Variants in GALNT14 observed in about 807,000 individuals in gnomAD.
GALNT14 encodes the protein polypeptide N-acetylgalactosaminyltransferase 14, also known as UDP-GalNAc:polypeptide N-acetylgalactosaminyltransferase 14.
Under a neutral mutation model 77.5 loss-of-function variants are expected in GALNT14, and 60 were observed. The ratio of observed to expected loss-of-function variants is 0.77; its 90% CI spans 0.63 to 0.96. The LOEUF (loss-of-function observed/expected upper bound fraction) is 0.96, where lower values mean the gene tolerates loss of function less well. Ranked by LOEUF, GALNT14 falls within the 40% of genes least tolerant of loss-of-function variation. The probability of loss-of-function intolerance (pLI) is 0.00; values close to 1 mark genes in which losing one functional copy is unlikely to be tolerated. For synonymous variants in GALNT14, 280 were observed against 281.7 expected (o/e 0.99, Z 0.06); for missense variants, 710 against 731.0 (o/e 0.97, Z 0.33).
intron 1 of GALNT14, among the ~76,000 whole-genome samples, chr2:31,031,798 C>A (rs1035607932): frequency 2.0e-5 from 3 of 152,178 alleles, no homozygotes; most frequent in Non-Finnish European, 4.4e-5. Flanking sequence ...CACATTCCAA[C>A]TTCCATGGAG....
chr2:31,075,232 G>T (rs1675687870), intron 1 of GALNT14, among the ~76,000 whole-genome samples: 1 of 152,144 alleles, frequency 6.6e-6, no homozygotes, highest in South Asian at 2.1e-4. Flanking sequence ...GTTTCCTGAG[G>T]TCCTCGCCTG....
At chr2:30,921,897 C>T (rs1665054838) in intron 13 of GALNT14, among the ~76,000 whole-genome samples, 1 of 152,194 alleles carries the variant, frequency 6.6e-6, no homozygotes, top group Admixed American at 6.5e-5. Context: ...TCCCACAATA[C>T]ACAGGGGAGC....
chr2:30,993,143 A>G (rs1472893223), intron 1 of GALNT14, 136 bp from the exon 2 acceptor site: 4 of 803,592 alleles, frequency 5.0e-6, no homozygotes, highest in Non-Finnish European at 7.9e-6. Flanking sequence ...CAGAAGCAGA[A>G]CATAAACTAA....
rs145762156 is a variant in GALNT14, at chr2:31,111,244, T to G, written c.129+26714A>C. ...GGGATCAAGGACAAAGACCCAGGGA[T>G]TCTTCATCAGCAAGCTTCAATGACA... On this transcript the variant is annotated intron_variant, in intron 1 of 14. Transcript: ENST00000349752. Among the ~76,000 whole-genome samples, 130 of 152,264 alleles carry G rather than the reference T, an allele frequency of 8.5e-4. 1 individual carries two copies. Among genetic ancestry groups the G allele is most frequent in the East Asian group, 6.8e-3 (35 of 5,176 alleles).
intron 13 of GALNT14, among the ~76,000 whole-genome samples, chr2:30,920,469 G>T (rs182167945): frequency 1.1e-3 from 168 of 152,278 alleles, no homozygotes; most frequent in African/African-American, 3.9e-3. Context: ...GTAGGAAGAG[G>T]TGATGGGGGC....
Position 30,938,384 on chromosome 2 carries a change from A to ACACACACT in GALNT14, c.931+3816_931+3817insAGTGTGTG, listed in dbSNP as rs1174119035. ...TACACACACACACACACACACACAC[A>ACACACACT]CTCTCTCTCTCTCTCTCTCTCTCTA... On this transcript the variant is annotated intron_variant, in intron 9 of 14. Transcript: ENST00000349752. 1.1e-3 allele frequency among the ~76,000 whole-genome samples: 151 copies of ACACACACT among 141,764 alleles called. 1 individual carries two copies. Among genetic ancestry groups the ACACACACT allele is most frequent in the African/African-American group, 2.3e-3 (89 of 38,262 alleles). The allele number at this position is 141,764 out of a possible 152,430, so 93.0% of individuals were successfully genotyped here. A position where few individuals can be genotyped will look rare whatever the true frequency, so the allele number is the denominator to read the frequency against.
intron 2 of GALNT14, among the ~76,000 whole-genome samples, chr2:30,971,974 C>T (rs1021250671): frequency 1.3e-5 from 2 of 152,226 alleles, no homozygotes; most frequent in Non-Finnish European, 2.9e-5. Flanking sequence ...CCAGTGCTTC[C>T]GTGGCTTGTC....
intron 1 of GALNT14, among the ~76,000 whole-genome samples, chr2:31,137,427 G>A (rs185327406): frequency 4.1e-4 from 63 of 152,310 alleles, no homozygotes; most frequent in African/African-American, 1.4e-3. Flanking sequence ...TGAGAGGGTC[G>A]GGAACAGTTA....
chr2:31,126,059 G>A (rs535018207), intron 1 of GALNT14, among the ~76,000 whole-genome samples: 3 of 152,318 alleles, frequency 2.0e-5, no homozygotes, highest in Admixed American at 2.0e-4. Flanking sequence ...TGGCAGGACA[G>A]CATTCATAAG....
chr2:31,030,395 C>T (rs576884148), intron 1 of GALNT14, among the ~76,000 whole-genome samples: 3 of 152,002 alleles, frequency 2.0e-5, no homozygotes, highest in Admixed American at 6.5e-5. Flanking sequence ...GTATGTTTAG[C>T]AAAAGGAACT....
chr2:31,069,386 A>C (rs181350234), intron 1 of GALNT14, among the ~76,000 whole-genome samples: 2 of 152,300 alleles, frequency 1.3e-5, no homozygotes, highest in Non-Finnish European at 2.9e-5. Flanking sequence ...TGTATTTATC[A>C]TTTATTGCAT....
intron 3 of GALNT14, among the ~76,000 whole-genome samples, chr2:30,965,890 C>T (rs1667974509): frequency 6.6e-6 from 1 of 152,114 alleles, no homozygotes; most frequent in Admixed American, 6.5e-5. Context: ...GAAGTCAGAA[C>T]CCATGCTCTA....
intron 7 of GALNT14, 109 bp downstream of exon 7, chr2:30,945,674 G>T: frequency 1.1e-6 from 1 of 873,444 alleles, no homozygotes; most frequent in Non-Finnish European, 1.9e-6. Context: ...TGCAGGCTGA[G>T]CTTTCTCGAC....
chr2:31,126,004 T>C (rs538351967), intron 1 of GALNT14, among the ~76,000 whole-genome samples: 2 of 152,208 alleles, frequency 1.3e-5, no homozygotes, highest in Admixed American at 1.3e-4. Context: ...GAGACTTCCT[T>C]TTTTAAAGTT....
At chr2:30,957,800 T>C (rs1468904985) in intron 4 of GALNT14, among the ~76,000 whole-genome samples, 4 of 152,224 alleles carry the variant, frequency 2.6e-5, no homozygotes, top group South Asian at 2.1e-4. Context: ...TGCTTGGTTA[T>C]GATTGACTGC....
intron 13 of GALNT14, among the ~76,000 whole-genome samples, chr2:30,923,056 C>CTTTTT (rs56163710): frequency 2.6e-5 from 3 of 116,520 alleles, no homozygotes; most frequent in African/African-American, 6.7e-5. Flanking sequence ...ACAAACGTGC[C>CTTTTT]TTTTTTTTTT....
chr2:30,899,939 C>A, the GALNT14 span, among the ~76,000 whole-genome samples: 2 of 152,204 alleles, frequency 1.3e-5, no homozygotes, highest in Admixed American at 1.3e-4. Flanking sequence ...TTTCATATAA[C>A]CCACAAAACT....
chr2:31,118,435 C>A (rs1292060476), intron 1 of GALNT14, among the ~76,000 whole-genome samples: 1 of 151,994 alleles, frequency 6.6e-6, no homozygotes, highest in Non-Finnish European at 1.5e-5. Flanking sequence ...AGAGTTCATT[C>A]CAGGAATGCA....
At chr2:31,011,722 C>T (rs1340677923) in intron 1 of GALNT14, among the ~76,000 whole-genome samples, 1 of 152,172 alleles carries the variant, frequency 6.6e-6, no homozygotes, top group Admixed American at 6.5e-5. Flanking sequence ...AGCTACCCCT[C>T]AGGGGGCCAA....
Sources: gnomAD v4.1 joint callset for allele counts (sites outside exome capture counted in the v4.1 genomes callset) on GRCh38, gnomAD v4.1.1 for gene constraint, MANE v1.5 for transcripts, NCBI Gene and HGNC (gene_info 2026-07-23, HGNC 2026-07-21) for gene names.